The following CHD1L variants were observed in gnomAD, a reference collection of about 807,000 sequenced individuals.
CHD1L encodes the protein chromodomain helicase DNA binding protein 1 like, also known as ATP-dependent chromatin remodeler CHD1L.
Under a neutral mutation model 115.9 loss-of-function variants are expected in CHD1L, and 118 were observed. The observed-to-expected ratio is 1.02, with a 90% CI of 0.88 to 1.19. The LOEUF is 1.19. Among genes scored for constraint, CHD1L ranks in the 50% most tolerant of loss-of-function variants. The pLI is 0.00. For missense variants in CHD1L, 1,179 were observed against 1,065.3 expected (o/e 1.11, Z -1.49); for synonymous variants, 411 against 387.1 (o/e 1.06, Z -0.72).
chr1:147,253,892 A>G (rs759331389), intron 2 of CHD1L, among the ~76,000 whole-genome samples: 148 of 152,258 alleles, frequency 9.7e-4, no homozygotes, highest in Non-Finnish European at 1.8e-3. Context: ...CACAGTCATT[A>G]TCAACATTGC....
the CHD1L span, among the ~76,000 whole-genome samples, chr1:147,220,512 G>A: frequency 6.6e-6 from 1 of 152,178 alleles, no homozygotes; most frequent in Non-Finnish European, 1.5e-5. Flanking sequence ...ATAGTGGGCT[G>A]TGCATAGTGA....
chr1:147,287,802 G>A (rs1321097159), intron 19 of CHD1L, 69 bp downstream of exon 19: 44 of 1,317,978 alleles, frequency 3.3e-5, no homozygotes, highest in Admixed American at 1.5e-4. Flanking sequence ...AGACTGTATC[G>A]TGAGGGTTAC....
At chr1:147,198,039 T>G in the CHD1L span, among the ~76,000 whole-genome samples, 1 of 152,156 alleles carries the variant, frequency 6.6e-6, no homozygotes, top group South Asian at 2.1e-4. Flanking sequence ...TAAAGCAGGT[T>G]GTATCTGTGT....
intron 8 of CHD1L, 109 bp from the exon 9 acceptor site, chr1:147,267,317 A>C (rs1674317102): frequency 1.4e-6 from 1 of 703,184 alleles, no homozygotes; most frequent in Non-Finnish European, 2.4e-6. Flanking sequence ...ATAGGTTCAA[A>C]GGATATAATT....
the CHD1L span, among the ~76,000 whole-genome samples, chr1:147,196,680 G>A: frequency 6.6e-6 from 1 of 151,900 alleles, no homozygotes; most frequent in Non-Finnish European, 1.5e-5. Context: ...CATAAATTTT[G>A]TTTTTGCAGT....
chr1:147,252,723 G>A lies in CHD1L; in HGVS notation c.228G>A (p.Gly76=). The A allele has an allele frequency of 1.2e-6, 2 of 1,613,566 alleles. No homozygotes were observed. The highest frequency in any genetic ancestry group is 1.7e-6 in the Non-Finnish European group (2 of 1,179,632). Residue 76 remains glycine (G), a synonymous_variant, in exon 2 of 23, where the codon GGG becomes GGA. Transcript: ENST00000369258. ...TCCTGGGAGATGAGATGGGCCTGGGGAAGACCTGCCAGGTGTGTTACTATG... is the reference window on the plus strand; with the variant it reads ...TCCTGGGAGATGAGATGGGCCTGGGAAAGACCTGCCAGGTGTGTTACTATG... ...GCILGDEMGL[G]KTCQTIALFI... is the part of the protein sequence containing the mutation.
intron 8 of CHD1L, 73 bp downstream of exon 8, chr1:147,266,160 C>A (rs1673841912): frequency 7.2e-7 from 1 of 1,384,852 alleles, no homozygotes; most frequent in African/African-American, 1.5e-5. Flanking sequence ...ATTTTATAAT[C>A]ACACTCATTT....
intron 1 of CHD1L, among the ~76,000 whole-genome samples, chr1:147,246,024 G>A (rs1322268882): frequency 6.6e-6 from 1 of 152,144 alleles, no homozygotes; most frequent in African/African-American, 2.4e-5. Context: ...CCCTCAACTT[G>A]CACTTTGATA....
At chr1:147,187,334 T>C in the CHD1L span, 1 of 868,120 alleles carries the variant, frequency 1.2e-6, no homozygotes, top group South Asian at 1.7e-5. Flanking sequence ...TGCTATTGGC[T>C]CAATATCAGA....
the CHD1L span, chr1:147,184,362 C>T: frequency 1.0e-6 from 1 of 990,084 alleles, no homozygotes; most frequent in African/African-American, 1.7e-5. The surrounding 1 kb of genome is among the most constrained non-coding windows in gnomAD (Gnocchi z 4.4). Flanking sequence ...GTACATTTGT[C>T]ACAACTAATA....
At chr1:147,198,906 G>GTATCCAA in the CHD1L span, among the ~76,000 whole-genome samples, 5,500 of 145,448 alleles carry the variant, frequency 0.038, 153 homozygotes, top group Non-Finnish European at 0.059. Flanking sequence ...ATTGGAGGTT[G>GTATCCAA]TATCCAATTT....
At chr1:147,222,392 G>A in the CHD1L span, among the ~76,000 whole-genome samples, 1 of 152,086 alleles carries the variant, frequency 6.6e-6, no homozygotes, top group Non-Finnish European at 1.5e-5. Flanking sequence ...AGAGAGCAGG[G>A]GATGGAAGTT....
chr1:147,248,670 T>G (rs749483722), intron 1 of CHD1L, among the ~76,000 whole-genome samples: 1 of 152,218 alleles, frequency 6.6e-6, no homozygotes, highest in African/African-American at 2.4e-5. Context: ...TAGAATTTTA[T>G]TTTTGTTTAT....
At chr1:147,224,295 T>A in the CHD1L span, 1 of 179,870 alleles carries the variant, frequency 5.6e-6, no homozygotes, top group East Asian at 1.5e-4. Flanking sequence ...AATCTGTGGG[T>A]TTGAATCACC....
At chr1:147,284,270 A>G (rs1682143803) in intron 15 of CHD1L, 81 bp from the exon 16 acceptor site, 2 of 1,170,426 alleles carry the variant, frequency 1.7e-6, no homozygotes, top group South Asian at 1.7e-5. Flanking sequence ...TCTCCTGTCC[A>G]CTTTTGTTAT....
At chr1:147,283,134 A>G (rs1026332167) in intron 15 of CHD1L, among the ~76,000 whole-genome samples, 2 of 152,232 alleles carry the variant, frequency 1.3e-5, no homozygotes, top group African/African-American at 4.8e-5. Context: ...AATTGCATGC[A>G]GTATGAAGCT....
the CHD1L span, among the ~76,000 whole-genome samples, chr1:147,226,480 A>G: frequency 6.7e-6 from 1 of 149,336 alleles, no homozygotes; most frequent in African/African-American, 2.6e-5. Context: ...TTAGTAACCA[A>G]AAATACAAAA....
chr1:147,252,775 G>C (rs782099797), intron 2 of CHD1L, 40 bp downstream of exon 2: 1 of 1,448,020 alleles, frequency 6.9e-7, no homozygotes, highest in East Asian at 2.3e-5. Context: ...CCGCCACTGC[G>C]ATACTTCCTT....
intron 19 of CHD1L, among the ~76,000 whole-genome samples, chr1:147,288,573 C>T (rs1460190277): frequency 1.3e-5 from 2 of 151,990 alleles, no homozygotes; most frequent in African/African-American, 2.4e-5. Context: ...CCCAGCTACT[C>T]AGGAGGCTGA....
Sources: allele counts gnomAD v4.1 joint callset (sites outside exome capture counted in the v4.1 genomes callset), GRCh38; gene constraint gnomAD v4.1.1; non-coding constraint Gnocchi (gnomAD v3.1); transcripts MANE v1.5; gene names NCBI Gene and HGNC (gene_info 2026-07-23, HGNC 2026-07-21).